Variants in CDH18 observed in about 807,000 individuals in gnomAD.
The protein encoded by CDH18 is cadherin 18.
A neutral mutation model predicts 67.9 loss-of-function variants in CDH18; 31 were observed. The observed-to-expected ratio is 0.46, with a 90% CI of 0.34 to 0.62. The LOEUF (loss-of-function observed/expected upper bound fraction) is 0.62, where lower values mean the gene tolerates loss of function less well. CDH18 is among the 20% of genes least tolerant of loss of function. CDH18 has a pLI of 0.01. For missense variants in CDH18, 890 were observed against 975.5 expected, an observed-to-expected ratio of 0.91 and a Z score of 1.17; for synonymous variants, 362 against 347.2, an observed-to-expected ratio of 1.04 and a Z score of -0.48.
intron 10 of CDH18, among the ~76,000 whole-genome samples, chr5:19,511,204 T>C (rs1745064668): frequency 6.6e-6 from 1 of 152,116 alleles, no homozygotes; most frequent in Non-Finnish European, 1.5e-5. Flanking sequence ...TCCCCTTGGC[T>C]TTCCCCCGTG....
At chr5:19,867,605 A>T (rs115643016) in intron 2 of CDH18, among the ~76,000 whole-genome samples, 1,942 of 113,982 alleles carry the variant, frequency 0.017, 38 homozygotes, top group African/African-American at 0.058. Flanking sequence ...ATGTAATTTT[A>T]TTGGAAAGGG....
In CDH18 at chr5:20,512,770, C is replaced by T. The variant is rs533039405; in HGVS notation, c.-580+62692G>A. On this transcript the variant is annotated intron_variant, in intron 1 of 14. Coordinates refer to the CDH18 transcript ENST00000507958. ...GTGGTGGCAGGCATCTGTAATCCCA[C>T]CTACCTGGGAGGCTGAGGCAGGAGA... 3.3e-5 allele frequency among the ~76,000 whole-genome samples: 5 copies of T among 151,758 alleles called. No individual in the cohort carries two copies. In the South Asian group the frequency reaches 1.0e-3, roughly 32 times the overall value.
At chr5:19,512,274 A>C (rs1017959444) in intron 10 of CDH18, among the ~76,000 whole-genome samples, 4 of 152,184 alleles carry the variant, frequency 2.6e-5, no homozygotes, top group Non-Finnish European at 5.9e-5. Flanking sequence ...TACAATCTAT[A>C]TGCTTATTTA....
chr5:19,594,463 G>C (rs935320826), intron 6 of CDH18, among the ~76,000 whole-genome samples: 16 of 152,094 alleles, frequency 1.1e-4, no homozygotes, highest in African/African-American at 3.9e-4. Flanking sequence ...TTTTTAAAGA[G>C]ACTATCCTTT....
At chr5:19,747,936 G>A (rs1198188828) in intron 3 of CDH18, among the ~76,000 whole-genome samples, 4 of 150,298 alleles carry the variant, frequency 2.7e-5, no homozygotes, top group Non-Finnish European at 1.5e-5. Context: ...GTGAAACTCC[G>A]TCTCTACTAA....
intron 1 of CDH18, among the ~76,000 whole-genome samples, chr5:20,332,872 C>T (rs150419727): frequency 6.1e-4 from 93 of 152,146 alleles, no homozygotes; most frequent in African/African-American, 2.2e-3. Context: ...CATCCCATCA[C>T]GGAGCACACT....
chr5:19,986,235 T>C lies in CDH18; in HGVS notation c.-376+1851A>G, dbSNP rs75561095. ...ATAATAATTTCCAGATTGCACAATG[T>C]ATGGACTTCATTCTAGCACCGGGTG... On this transcript the variant is annotated intron_variant, in intron 1 of 12. Transcript: ENST00000382275. Among the ~76,000 whole-genome samples the C allele has an allele frequency of 0.011, 1,721 of 152,342 alleles. 141 individuals carry two copies. The East Asian group carries it at 0.22, about 20-fold the overall frequency.
At chr5:20,305,238 C>T in intron 1 of CDH18, 3 of 1,374,364 alleles carry the variant, frequency 2.2e-6, no homozygotes, top group Non-Finnish European at 3.1e-6. Context: ...ATCCAGGAAA[C>T]CGTCCTCCTC....
intron 1 of CDH18, among the ~76,000 whole-genome samples, chr5:20,271,469 G>A (rs1426269286): frequency 2.6e-5 from 4 of 152,024 alleles, no homozygotes; most frequent in Non-Finnish European, 5.9e-5. Flanking sequence ...TTGAGGTGAT[G>A]GATATGCCAA....
At chr5:20,224,542 T>C (rs529508246) in intron 2 of CDH18, among the ~76,000 whole-genome samples, 4 of 152,050 alleles carry the variant, frequency 2.6e-5, no homozygotes, top group African/African-American at 9.6e-5. Context: ...TCTTCTGTTT[T>C]AATATTTTAT....
intron 2 of CDH18, among the ~76,000 whole-genome samples, chr5:19,912,199 A>C (rs921630688): frequency 3.3e-5 from 5 of 151,990 alleles, no homozygotes; most frequent in Admixed American, 2.6e-4. Flanking sequence ...AAAAACACTT[A>C]ACGGCTTCGT....
chr5:19,746,123 T>G (rs943356157), intron 4 of CDH18, among the ~76,000 whole-genome samples: 2 of 152,084 alleles, frequency 1.3e-5, no homozygotes, highest in Admixed American at 6.6e-5. Flanking sequence ...AAGAACCATT[T>G]TTAAACTACT....
chr5:19,745,007 C>T (rs888759981), intron 4 of CDH18, among the ~76,000 whole-genome samples: 2 of 152,092 alleles, frequency 1.3e-5, no homozygotes, highest in Non-Finnish European at 2.9e-5. Context: ...TTGCTCCTTT[C>T]CCCCATTTCC....
At chr5:20,384,479 C>G (rs2150105576) in intron 1 of CDH18, among the ~76,000 whole-genome samples, 1 of 152,236 alleles carries the variant, frequency 6.6e-6, no homozygotes, top group Middle Eastern at 3.4e-3. Flanking sequence ...TCTTTATCCA[C>G]TCATCTGTTG....
intron 2 of CDH18, among the ~76,000 whole-genome samples, chr5:19,965,612 AG>A (rs1416133701): frequency 2.6e-5 from 4 of 152,204 alleles, no homozygotes; most frequent in Non-Finnish European, 2.9e-5. Context: ...GTGATTTATT[AG>A]ATTTCTTTTA....
intron 5 of CDH18, among the ~76,000 whole-genome samples, chr5:19,638,747 A>C (rs1213700062): frequency 6.6e-6 from 1 of 151,908 alleles, no homozygotes; most frequent in East Asian, 1.9e-4. Context: ...GCAGCAACAC[A>C]GTAAAGAAAA....
chr5:19,592,820 C>A (rs553148732), intron 6 of CDH18, among the ~76,000 whole-genome samples: 1 of 152,052 alleles, frequency 6.6e-6, no homozygotes, highest in South Asian at 2.1e-4. Context: ...ATTAGCAACT[C>A]CTCACTCACC....
intron 1 of CDH18, among the ~76,000 whole-genome samples, chr5:19,984,877 C>T (rs538338899): frequency 1.3e-5 from 2 of 152,200 alleles, no homozygotes; most frequent in South Asian, 4.1e-4. Flanking sequence ...TCAAACTGTT[C>T]TCATTTTACT....
At chr5:20,074,625 G>A (rs1201325970) in intron 2 of CDH18, among the ~76,000 whole-genome samples, 4 of 152,008 alleles carry the variant, frequency 2.6e-5, no homozygotes, top group Non-Finnish European at 5.9e-5. Context: ...GACAGTACAT[G>A]ATCATTACAT....
Sources: gnomAD v4.1 joint callset for allele counts (sites outside exome capture counted in the v4.1 genomes callset) on GRCh38, gnomAD v4.1.1 for gene constraint, MANE v1.5 for transcripts, NCBI Gene and HGNC (gene_info 2026-07-23, HGNC 2026-07-21) for gene names.